Variants in PFKP observed in about 807,000 individuals in gnomAD.
PFKP encodes the protein ATP-dependent 6-phosphofructokinase, platelet type.
A neutral mutation model predicts 94.3 loss-of-function variants in PFKP; 101 were observed. The ratio of observed to expected loss-of-function variants is 1.07; its 90% confidence interval spans 0.91 to 1.26. The LOEUF is 1.26. Ranked by LOEUF, PFKP falls within the 50% of genes most tolerant of loss-of-function variation. The probability of loss-of-function intolerance (pLI) is 0.00; values close to 1 mark genes in which losing one functional copy is unlikely to be tolerated. For missense variants in PFKP, 1,145 were observed against 1,103.3 expected, an observed-to-expected ratio of 1.04 and a Z score of -0.53; for synonymous variants, 573 against 432.6, an observed-to-expected ratio of 1.32 and a Z score of -4.03.
Position 3,120,022 on chromosome 10 carries a change from C to A in PFKP, c.1661C>A (p.Thr554Asn), listed in dbSNP as rs746812345. ...PGSDFSIGAD[T>N]ALNTITDTCD... ...TCCGATTTCAGCATCGGGGCAGACACCGCCCTGAACACTATCACCGACGTA... is the reference window on the plus strand; with the variant it reads ...TCCGATTTCAGCATCGGGGCAGACAACGCCCTGAACACTATCACCGACGTA... Residue 554 changes from threonine to asparagine, a missense_variant, in exon 16 of 22, where the codon ACC (threonine) becomes AAC (asparagine). Thr to Asn is a moderately conservative substitution (Grantham distance 65). Around this residue, in one of 3 missense-constraint regions of PFKP, gnomAD observed 1,119 missense variants for 1,062.8 expected, o/e 1.05. Coordinates refer to ENST00000381125, the MANE Select transcript of PFKP (RefSeq NM_002627.5). 1 of 1,614,130 alleles carries A rather than the reference C, an allele frequency of 6.2e-7. No individual in the cohort carries two copies. Among genetic ancestry groups the A allele is most frequent in the Non-Finnish European group, 8.5e-7 (1 of 1,180,016 alleles).
rs1042737835 is a variant in PFKP, at chr10:3,110,760, A to G, written c.1089+1280A>G. Among the ~76,000 whole-genome samples, 4 of 152,066 alleles carry G rather than the reference A, an allele frequency of 2.6e-5. No homozygotes were observed. The South Asian group carries it at 8.3e-4, about 31-fold the overall frequency. On this transcript the variant is annotated intron_variant, in intron 10 of 21. Coordinates refer to ENST00000381125, the MANE Select transcript of PFKP (RefSeq NM_002627.5). Reference sequence around the variant, plus strand: ...TGCATGTGTATCTCTGTATATGCATATACATGCAGGTTTATGCATATATTT... The same window carrying G: ...TGCATGTGTATCTCTGTATATGCATGTACATGCAGGTTTATGCATATATTT...
Position 3,104,795 on chromosome 10 carries a change from G to A in PFKP, c.621-320G>A, listed in dbSNP as rs1031184242. ...ACTGTGCCCAATAGAGAAGGTATCTGGGAAAGAGCCCAGCACGGGGCCGGG... is the reference window on the plus strand; with the variant it reads ...ACTGTGCCCAATAGAGAAGGTATCTAGGAAAGAGCCCAGCACGGGGCCGGG... On this transcript the variant is annotated intron_variant, in intron 5 of 21. Coordinates refer to ENST00000381125, the MANE Select transcript of PFKP (RefSeq NM_002627.5). 2.3e-5 allele frequency: 10 copies of A among 430,068 alleles called. No homozygotes were observed. The Admixed American group carries it at 3.0e-4, about 13-fold the overall frequency. 26.6% of individuals were successfully genotyped at this position (430,068 alleles called of 1,614,324 possible). A position where few individuals can be genotyped will look rare whatever the true frequency, so the allele number is the denominator to read the frequency against.
At chr10:3,098,672 C>A (rs1300752238) in intron 2 of PFKP, among the ~76,000 whole-genome samples, 36 of 107,174 alleles carry the variant, frequency 3.4e-4, no homozygotes, top group African/African-American at 7.4e-4. Flanking sequence ...GACTCCGTCT[C>A]AAAAAAAAAA....
At position 3,136,582 on chromosome 10, in the gene PFKP, C is replaced by T. The variant is rs1177673906; in HGVS notation, c.*3C>T. 5 of 1,612,806 alleles carry T rather than the reference C, an allele frequency of 3.1e-6. No homozygotes were observed. The highest frequency in any genetic ancestry group is 1.1e-5 in the South Asian group (1 of 90,918). Reference sequence around the variant, plus strand: ...ATGTGCAGCCCTGGAGTGTCTGACCCAGTCCCGCCTGCATGTGCCTGCAGC... The same window carrying T: ...ATGTGCAGCCCTGGAGTGTCTGACCTAGTCCCGCCTGCATGTGCCTGCAGC... On this transcript the variant is annotated 3_prime_UTR_variant, in exon 22 of 22. Transcript: ENST00000381125.
intron 1 of PFKP, among the ~76,000 whole-genome samples, chr10:3,081,657 T>A (rs538073508): frequency 6.6e-6 from 1 of 152,314 alleles, no homozygotes; most frequent in South Asian, 2.1e-4. Flanking sequence ...ACTAGTGGCT[T>A]CAGCTCCCCC....
chr10:3,119,780 C>A (rs1176617143), intron 15 of PFKP, 112 bp from the exon 16 acceptor site: 1 of 558,060 alleles, frequency 1.8e-6, no homozygotes, highest in Non-Finnish European at 2.7e-6. Context: ...TCGTGATGCC[C>A]CAGTGTGCTC....
chr10:3,094,695 C>A (rs1364311680), intron 2 of PFKP, among the ~76,000 whole-genome samples: 1 of 152,218 alleles, frequency 6.6e-6, no homozygotes, highest in East Asian at 1.9e-4. Context: ...GCCTCTCTTT[C>A]TCGCACACCT....
chr10:3,114,413 G>A (rs749702727), intron 13 of PFKP, among the ~76,000 whole-genome samples: 1 of 152,218 alleles, frequency 6.6e-6, no homozygotes, highest in Non-Finnish European at 1.5e-5. Context: ...GCCTCCCAAA[G>A]TGCTGGGATT....
At chr10:3,092,975 G>T (rs557032857) in intron 2 of PFKP, among the ~76,000 whole-genome samples, 1 of 149,854 alleles carries the variant, frequency 6.7e-6, no homozygotes, top group Non-Finnish European at 1.5e-5. Context: ...GTGGATGGGG[G>T]TAGGGGGGTG....
At chr10:3,102,463 G>C (rs1000692839) in intron 4 of PFKP, among the ~76,000 whole-genome samples, 4 of 151,804 alleles carry the variant, frequency 2.6e-5, no homozygotes, top group African/African-American at 9.7e-5. Context: ...GCCCAGGCTG[G>C]AGTGCAGTGG....
rs751926141 is a variant in PFKP, at chr10:3,107,293, C to T, written c.854C>T (p.Ser285Phe). 7 of 1,604,060 alleles carry T rather than the reference C, an allele frequency of 4.4e-6. No homozygotes were observed. Among genetic ancestry groups the T allele is most frequent in the Non-Finnish European group, 6.0e-6 (7 of 1,171,420 alleles). The change falls in exon 8 of 22, where the codon TCT (serine) becomes TTT (phenylalanine). Residue 285 changes from serine to phenylalanine, a missense_variant. By Grantham distance (155) the Ser-to-Phe change is radical. Coordinates refer to ENST00000381125, the MANE Select transcript of PFKP (RefSeq NM_002627.5). ...AIDTQNKPIT[S>F]EKIKELVVTQ... ...GATACCCAAAATAAACCCATCACCT[C>T]TGAGAAAATCAAAGAGGTGAGTGTG... is the stretch of plus-strand genomic sequence containing the variant.
intron 13 of PFKP, among the ~76,000 whole-genome samples, chr10:3,115,284 C>T (rs1030853765): frequency 0.02 from 1,613 of 81,472 alleles, 117 homozygotes; most frequent in African/African-American, 0.073. Flanking sequence ...TGTCCCACGG[C>T]GGAGGACAGG....
Position 3,082,205 on chromosome 10 carries a change from C to A in PFKP, c.113-183C>A, listed in dbSNP as rs190300995. Among the ~76,000 whole-genome samples, 112 of 152,080 alleles carry A rather than the reference C, an allele frequency of 7.4e-4. 1 individual carries two copies. Among genetic ancestry groups the A allele is most frequent in the African/African-American group, 2.7e-3 (111 of 41,434 alleles). On this transcript the variant is annotated intron_variant, in intron 1 of 21. Coordinates refer to ENST00000381125, the MANE Select transcript of PFKP (RefSeq NM_002627.5). ...GTAGCCTGGGCATGGGGGTACCTTG[C>A]GTTACGTTGGCTGTTTCTTTTAGTC...
At position 3,077,562 on chromosome 10, in the gene PFKP, G is replaced by C. The variant is rs552312218; in HGVS notation, c.113-4826G>C. Among the ~76,000 whole-genome samples the C allele has an allele frequency of 7.3e-5, 11 of 150,822 alleles. No individual in the cohort carries two copies. The East Asian group carries it at 1.9e-3, about 27-fold the overall frequency. ...ATTACAGGCATGAGGCATCGTGCCT[G>C]GCCTATTCCTTACTTTTTAAAAAAA... On this transcript the variant is annotated intron_variant, in intron 1 of 21. Coordinates refer to ENST00000381125, the MANE Select transcript of PFKP (RefSeq NM_002627.5).
At position 3,118,774 on chromosome 10, in the gene PFKP, A is replaced by G. The variant is rs1185182191; in HGVS notation, c.1443-8A>G. The stretch of plus-strand genomic sequence containing the variant: ...GTCTGACATCGTTCTCCACGTGGCT[A>G]TTTTCAGCGTTCTCCCGGGGAAGTA... On this transcript the variant is annotated splice_region_variant and splice_polypyrimidine_tract_variant and intron_variant, in intron 14 of 21. Transcript: ENST00000381125. 1.2e-5 allele frequency: 19 copies of G among 1,610,786 alleles called. No homozygotes were observed. In the Admixed American group the frequency reaches 3.2e-4, roughly 27 times the overall value.
chr10:3,129,940 C>A lies in PFKP; in HGVS notation c.1805C>A (p.Ala602Asp). 6.2e-7 allele frequency: 1 copy of A among 1,605,066 alleles called. No individual in the cohort carries two copies. ...GGGGGGCTCGCGGCCGGAGCTGATG[C>A]CGCATACATTTTCGAAGAGCCCTTC... ...NMGGLAAGAD[A>D]AYIFEEPFDI... Residue 602 changes from alanine to aspartate, a missense_variant, in exon 17 of 22, where the codon GCC becomes GAC. Transcript: ENST00000381125.
chr10:3,082,283 AG>A (rs1200777840), intron 1 of PFKP, 104 bp from the exon 2 acceptor site: 2 of 666,048 alleles, frequency 3.0e-6, no homozygotes, highest in Non-Finnish European at 5.2e-6. Context: ...TTAGGAAATG[AG>A]GCATTGAGAG....
chr10:3,111,009 T>C (rs1241195927), intron 10 of PFKP, among the ~76,000 whole-genome samples: 1 of 151,804 alleles, frequency 6.6e-6, no homozygotes, highest in Non-Finnish European at 1.5e-5. Flanking sequence ...TGTGAGGTAG[T>C]ATGTTTCTGC....
rs1453172751 is a variant in PFKP, at chr10:3,082,712, A to ATTTTCTTTTATCTTTT, written c.186+260_186+261insATCTTTTTTTTCTTTT. On this transcript the variant is annotated intron_variant, in intron 2 of 21. Transcript: ENST00000381125. ...GAGATGAGAGGGAGCCCAAAAAGCC[A>ATTTTCTTTTATCTTTT]TTTTCTTTTTTCTTTTTTTTCTTTT... Among the ~76,000 whole-genome samples the ATTTTCTTTTATCTTTT allele has an allele frequency of 6.6e-5, 10 of 151,940 alleles. No individual in the cohort carries two copies. The East Asian group carries it at 1.9e-3, about 29-fold the overall frequency.
Sources: gnomAD v4.1 joint callset for allele counts (sites outside exome capture counted in the v4.1 genomes callset) on GRCh38, gnomAD v4.1.1 for gene constraint, gnomAD v4.1.1 regional missense constraint, MANE v1.5 for transcripts, NCBI Gene and HGNC (gene_info 2026-07-23, HGNC 2026-07-21) for gene names.